The following GTSE1 variants were observed in gnomAD, a reference collection of about 807,000 sequenced individuals.
The protein encoded by GTSE1 is G2 and S-phase expressed 1, also known as G2 and S phase-expressed protein 1.
GTSE1 carries 52 observed loss-of-function variants against 60.5 expected under a neutral mutation model. The observed-to-expected ratio is 0.86, with a 90% CI of 0.69 to 1.08. The LOEUF is 1.08. GTSE1 is among the 50% of genes least tolerant of loss of function. GTSE1 has a pLI of 0.00. For missense variants in GTSE1, 937 were observed against 961.8 expected (o/e 0.97, Z 0.34); for synonymous variants, 368 against 386.5 (o/e 0.95, Z 0.56).
At position 46,328,827 on chromosome 22, in the gene GTSE1, A is replaced by C. The variant is rs2147835387; in HGVS notation, c.1864A>C (p.Ser622Arg). 3 of 1,614,130 alleles carry C rather than the reference A, an allele frequency of 1.9e-6. No individual in the cohort carries two copies. The highest frequency in any genetic ancestry group is 4.5e-5 in the East Asian group (2 of 44,882). Residue 622 changes from serine (S) to arginine (R), a missense_variant, in exon 10 of 12, where the codon AGT becomes CGT. By Grantham distance (110) the Ser-to-Arg change is moderately radical (BLOSUM62 -1). Transcript: ENST00000454366. ...GGAAAGCGATTCTACTTTCTCCAAA[A>C]GTACTGCCACAGAAGTAGCTCGGGA... is the stretch of plus-strand genomic sequence containing the variant. ...PEESDSTFSK[S>R]TATEVAREEA... is the part of the protein sequence containing the mutation.
intron 7 of GTSE1, among the ~76,000 whole-genome samples, chr22:46,322,203 C>T (rs1450755104): frequency 1.3e-5 from 2 of 151,184 alleles, no homozygotes. Flanking sequence ...CGCAGGAGGG[C>T]GGGCATAGGC....
In GTSE1 at chr22:46,308,449, T is replaced by A; in HGVS notation, c.268T>A (p.Trp90Arg). The A allele has an allele frequency of 6.2e-7, 1 of 1,614,192 alleles. No individual in the cohort carries two copies. Among genetic ancestry groups the A allele is most frequent in the Admixed American group, 1.7e-5 (1 of 60,020 alleles). Residue 90 changes from tryptophan (W) to arginine (R), a missense_variant, in exon 4 of 12, where the codon TGG (tryptophan) becomes AGG (arginine). Physicochemically the swap from Trp to Arg is moderately radical, Grantham distance 101 (BLOSUM62 -3). Coordinates refer to ENST00000454366, the MANE Select transcript of GTSE1 (RefSeq NM_016426.7). Reference protein sequence around the residue: ...PLPTSESPFAWSPLAGEKFVE... With the variant: ...PLPTSESPFARSPLAGEKFVE... ...GCCCACATCTGAGAGTCCCTTTGCC[T>A]GGAGCCCTCTGGCCGGGGAGAAGTT...
chr22:46,317,668 G>T lies in GTSE1; in HGVS notation c.1432+1256G>T, dbSNP rs2077789146. Among the ~76,000 whole-genome samples, 1 of 152,234 alleles carries T rather than the reference G, an allele frequency of 6.6e-6. No individual in the cohort carries two copies. Among genetic ancestry groups the T allele is most frequent in the African/African-American group, 2.4e-5 (1 of 41,460 alleles). On this transcript the variant is annotated intron_variant, in intron 7 of 11. Transcript: ENST00000454366. The surrounding 1 kb of genome is among the most constrained non-coding windows in gnomAD (Gnocchi z 5.6). ...GTTGGGCTTGGCAGGCAGTTAAGGT[G>T]CAGATCATCCTTCCGAGGCTTTTTA...
At chr22:46,302,892 C>T (rs539337649) in intron 2 of GTSE1, among the ~76,000 whole-genome samples, 43 of 149,132 alleles carry the variant, frequency 2.9e-4, no homozygotes, top group Non-Finnish European at 5.2e-4. Context: ...TTTCACTTTC[C>T]CTCTTTTTTT....
At chr22:46,301,575 C>T (rs1374731997) in intron 2 of GTSE1, among the ~76,000 whole-genome samples, 1 of 151,742 alleles carries the variant, frequency 6.6e-6, no homozygotes, top group African/African-American at 2.4e-5. Context: ...GCAAACTCCC[C>T]CTCTCAGGTT....
intron 7 of GTSE1, among the ~76,000 whole-genome samples, chr22:46,322,857 G>A (rs999562782): frequency 6.6e-6 from 1 of 152,204 alleles, no homozygotes; most frequent in Non-Finnish European, 1.5e-5. Flanking sequence ...CTGACAAGTC[G>A]ACTTCGCTCT....
intron 8 of GTSE1, among the ~76,000 whole-genome samples, chr22:46,326,116 C>T (rs2077842133): frequency 6.6e-6 from 1 of 152,266 alleles, no homozygotes; most frequent in African/African-American, 2.4e-5. Context: ...TTCTGAACCT[C>T]GTGTGAAGTG....
At position 46,329,945 on chromosome 22, in the gene GTSE1, C is replaced by T. The variant is rs1433579370; in HGVS notation, c.2137-102C>T. 8 of 748,870 alleles carry T rather than the reference C, an allele frequency of 1.1e-5. No individual in the cohort carries two copies. The highest frequency in any genetic ancestry group is 3.4e-5 in the African/African-American group (2 of 58,366). The allele number at this position is 748,870 out of a possible 1,614,324, so 46.4% of individuals were successfully genotyped here. ...TTCAGTGCACCCGAGCCAGGATGAG[C>T]GAGTGGCTGTGATGACCCACGCAGC... On this transcript the variant is annotated intron_variant, in intron 11 of 11. Transcript: ENST00000454366. This position sits in a 1 kb window ranked among gnomAD's most constrained non-coding sequence, Gnocchi z 6.4.
At chr22:46,315,738 A>G (rs1327627334) in intron 6 of GTSE1, among the ~76,000 whole-genome samples, 2 of 152,166 alleles carry the variant, frequency 1.3e-5, no homozygotes, top group Non-Finnish European at 2.9e-5. Flanking sequence ...CTGCTCAACT[A>G]ATGTAGATTT....
intron 5 of GTSE1, among the ~76,000 whole-genome samples, chr22:46,312,687 G>A (rs1349918963): frequency 6.7e-6 from 1 of 149,600 alleles, no homozygotes; most frequent in African/African-American, 2.5e-5. Context: ...ACACCCACAA[G>A]AGGCAGCCTG....
rs1299400506 is a variant in GTSE1 at position 46,321,452 on chromosome 22, G to A, written c.1433-1738G>A. Among the ~76,000 whole-genome samples the A allele has an allele frequency of 6.6e-6, 1 of 152,150 alleles. No individual in the cohort carries two copies. Among genetic ancestry groups the A allele is most frequent in the Non-Finnish European group, 1.5e-5 (1 of 68,032 alleles). On this transcript the variant is annotated intron_variant, in intron 7 of 11. Transcript: ENST00000454366. This position sits in a 1 kb window ranked among gnomAD's most constrained non-coding sequence, Gnocchi z 4.0. ...CAAACTGAAAACGGAGGTGGAGAGA[G>A]GGTGGGAGCATGTTTGACTCAGCTG...
At chr22:46,323,138 G>T in intron 7 of GTSE1, 52 bp from the exon 8 acceptor site, 1 of 1,169,496 alleles carries the variant, frequency 8.6e-7, no homozygotes, top group Non-Finnish European at 1.3e-6. Flanking sequence ...CCCAACAGTA[G>T]GTCTCCCCCT....
Position 46,312,267 on chromosome 22 carries a change from T to C in GTSE1, c.889T>C (p.Leu297=), listed in dbSNP as rs759926987. The change falls in exon 5 of 12, where the codon TTG becomes CTG. Residue 297 remains leucine, a synonymous_variant. Transcript: ENST00000454366. ...CAATGTGCCGGCCGCCGGAAGCCAC[T>C]TGGGCCAGGGCAAGCGGGCGATCCC... The part of the protein sequence containing the change: ...AVNVPAAGSH[L]GQGKRAIPVP... 4 of 1,614,030 alleles carry C rather than the reference T, an allele frequency of 2.5e-6. No individual in the cohort carries two copies. The African/African-American group carries it at 4.0e-5, about 16-fold the overall frequency.
Position 46,330,083 on chromosome 22 carries a change from C to A in GTSE1, c.2173C>A (p.Pro725Thr). 4 of 1,611,890 alleles carry A rather than the reference C, an allele frequency of 2.5e-6. No homozygotes were observed. Among genetic ancestry groups the A allele is most frequent in the Non-Finnish European group, 3.4e-6 (4 of 1,177,956 alleles). The change falls in exon 12 of 12, where the codon CCT (proline) becomes ACT (threonine). Residue 725 changes from proline (P) to threonine (T), a missense_variant. Physicochemically the swap from Pro to Thr is conservative, Grantham distance 38. Coordinates refer to ENST00000454366, the MANE Select transcript of GTSE1 (RefSeq NM_016426.7). The surrounding 1 kb of genome is among the most constrained non-coding windows in gnomAD (Gnocchi z 6.0). Reference sequence around the variant, plus strand: ...GAGCTCCCCTCTGATCCAGCTGAGCCCTGAGGCTGACAAGGAGAACGTGGA... The same window carrying A: ...GAGCTCCCCTCTGATCCAGCTGAGCACTGAGGCTGACAAGGAGAACGTGGA... ...DLSSPLIQLSPEADKENVDSP... is the reference protein window; with the variant it reads ...DLSSPLIQLSTEADKENVDSP...
Position 46,328,698 on chromosome 22 carries a change from A to G in GTSE1, c.1735A>G (p.Thr579Ala), listed in dbSNP as rs769744804. Residue 579 changes from threonine (T) to alanine (A), a missense_variant, in exon 10 of 12, where the codon ACA (threonine) becomes GCA (alanine). Thr to Ala is a moderately conservative substitution (Grantham distance 58). Transcript: ENST00000454366. ...TTTTCCTTCCCACAGAACTGAACCA[A>G]CAAGGGAGAGCAACAGAAAGACAGA... ...RKNSAMRTEP[T>A]RESNRKTDSR... The G allele has an allele frequency of 1.8e-5, 29 of 1,613,316 alleles. No homozygotes were observed. The highest frequency in any genetic ancestry group is 2.3e-5 in the Non-Finnish European group (27 of 1,179,328).
chr22:46,326,466 C>T lies in GTSE1; in HGVS notation c.1536C>T (p.Arg512=). Residue 512 remains arginine (R), a synonymous_variant, in exon 9 of 12, where the codon CGC becomes CGT. Coordinates refer to ENST00000454366, the MANE Select transcript of GTSE1 (RefSeq NM_016426.7). The stretch of plus-strand genomic sequence containing the variant: ...CTGTCCACAGCACCCCGGTTAGACG[C>T]TCATCTGGGCCAGCACCACAAAGCC... ...RVTVHSTPVR[R]SSGPAPQSLL... is the part of the protein sequence containing the mutation. 5 of 1,609,312 alleles carry T rather than the reference C, an allele frequency of 3.1e-6. No homozygotes were observed. The highest frequency in any genetic ancestry group is 4.3e-6 in the Non-Finnish European group (5 of 1,176,058).
Position 46,297,592 on chromosome 22 carries a change from A to G in GTSE1, c.79+113A>G. 2.8e-6 allele frequency: 2 copies of G among 724,384 alleles called. No homozygotes were observed. Among genetic ancestry groups the G allele is most frequent in the South Asian group, 3.4e-5 (2 of 58,178 alleles). 44.9% of individuals were successfully genotyped at this position (724,384 alleles called of 1,614,324 possible). A position where few individuals can be genotyped will look rare whatever the true frequency, so the allele number is the denominator to read the frequency against. ...CTCAAGTGCTCGACTTGTACTCTGC[A>G]CCTGTGAAACACATGACATCTGCCT... On this transcript the variant is annotated intron_variant, in intron 2 of 11. Coordinates refer to ENST00000454366, the MANE Select transcript of GTSE1 (RefSeq NM_016426.7). The surrounding 1 kb of genome is among the most constrained non-coding windows in gnomAD (Gnocchi z 4.9).
intron 9 of GTSE1, chr22:46,327,134 T>G (rs1019409742): frequency 6.6e-6 from 1 of 152,322 alleles, no homozygotes; most frequent in African/African-American, 2.4e-5. Flanking sequence ...CTCAGGAGGT[T>G]GAGGCTGCAG....
At position 46,308,892 on chromosome 22, in the gene GTSE1, G is replaced by A. The variant is rs758703273; in HGVS notation, c.711G>A (p.Leu237=). ...TQRKPGTKLL[L]PRAASVRGRS... is the part of the protein sequence containing the mutation. ...GGAAGCCCGGGACCAAATTGCTGCT[G>A]CCTCGAGCGGCCTCTGTTAGAGGAA... The change falls in exon 4 of 12, where the codon CTG becomes CTA. Residue 237 remains leucine (L), a synonymous_variant. Transcript: ENST00000454366. 8 of 1,613,022 alleles carry A rather than the reference G, an allele frequency of 5.0e-6. No individual in the cohort carries two copies. In the Admixed American group the frequency reaches 1.3e-4, roughly 27 times the overall value.
Sources: allele counts gnomAD v4.1 joint callset (sites outside exome capture counted in the v4.1 genomes callset), GRCh38; gene constraint gnomAD v4.1.1; non-coding constraint Gnocchi (gnomAD v3.1); transcripts MANE v1.5; gene names NCBI Gene and HGNC (gene_info 2026-07-23, HGNC 2026-07-21).